Variants in ATP8B1 observed in about 807,000 individuals in gnomAD.
The protein encoded by ATP8B1 is phospholipid-transporting ATPase IC.
A neutral mutation model predicts 149.9 loss-of-function variants in ATP8B1; 80 were observed. The observed-to-expected ratio is 0.53, with a 90% CI of 0.45 to 0.64. The LOEUF (loss-of-function observed/expected upper bound fraction) is 0.64, where lower values mean the gene tolerates loss of function less well. ATP8B1 is among the 30% of genes least tolerant of loss of function. The pLI, the probability that ATP8B1 is intolerant of heterozygous loss-of-function variation, is 0.00. For synonymous variants in ATP8B1, 536 were observed against 562.8 expected, an observed-to-expected ratio of 0.95 and a Z score of 0.67; for missense variants, 1,247 against 1,552.6, an observed-to-expected ratio of 0.80 and a Z score of 3.31.
chr18:57,655,623 A>C (rs1165751138), intron 22 of ATP8B1, among the ~76,000 whole-genome samples: 1 of 152,220 alleles, frequency 6.6e-6, no homozygotes, highest in Admixed American at 6.5e-5. Flanking sequence ...CAGAGCACAC[A>C]GTAGGGCCTC....
At chr18:57,786,910 G>A (rs1005644896) in intron 1 of ATP8B1, among the ~76,000 whole-genome samples, 8 of 152,086 alleles carry the variant, frequency 5.3e-5, no homozygotes, top group Admixed American at 2.0e-4. Flanking sequence ...TCTTTTTTAC[G>A]TCTAGTAAGG....
chr18:57,683,635 G>A (rs889738592), intron 15 of ATP8B1, among the ~76,000 whole-genome samples: 5 of 152,138 alleles, frequency 3.3e-5, no homozygotes, highest in African/African-American at 1.2e-4. Context: ...AAATTATTTG[G>A]TAGAAAAGAT....
intron 1 of ATP8B1, among the ~76,000 whole-genome samples, chr18:57,761,944 TAAA>T (rs71171087): frequency 0.014 from 1,380 of 98,160 alleles, 31 homozygotes; most frequent in African/African-American, 0.049. Flanking sequence ...GCAAGACTGT[TAAA>T]AAAAAAAAAA....
intron 26 of ATP8B1, among the ~76,000 whole-genome samples, chr18:57,650,762 G>T (rs535685327): frequency 6.6e-6 from 1 of 152,046 alleles, no homozygotes; most frequent in Non-Finnish European, 1.5e-5. Context: ...GCTTGAACCC[G>T]GAAGGCGGAA....
chr18:57,757,007 G>A (rs556006567), intron 1 of ATP8B1, among the ~76,000 whole-genome samples: 5 of 152,172 alleles, frequency 3.3e-5, no homozygotes, highest in African/African-American at 9.6e-5. Context: ...CCCTGATCCA[G>A]TCTCTACTAC....
At position 57,704,561 on chromosome 18, in the gene ATP8B1, G is replaced by T; in HGVS notation, c.387C>A (p.Ile129=). 1 of 1,581,446 alleles carries T rather than the reference G, an allele frequency of 6.3e-7. No homozygotes were observed. Among genetic ancestry groups the T allele is most frequent in the Non-Finnish European group, 8.7e-7 (1 of 1,150,642 alleles). ...AANLYFLALL[I]LQAVPQISTL... is the part of the protein sequence containing the mutation. ...AGATAGCAAAGGGCATTACCTGTAA[G>T]ATAAGAAGAGCCAGGAAATATAAAT... Residue 129 remains isoleucine (I), a synonymous_variant, in exon 4 of 28, where the codon ATC becomes ATA. Transcript: ENST00000648908.
chr18:57,794,774 GA>G (rs1270863924), intron 1 of ATP8B1, among the ~76,000 whole-genome samples: 1 of 147,316 alleles, frequency 6.8e-6, no homozygotes, highest in East Asian at 2.0e-4. Flanking sequence ...CTGGGCGACA[GA>G]GCGAAACTCC....
At chr18:57,759,010 T>C (rs2080115939) in intron 1 of ATP8B1, among the ~76,000 whole-genome samples, 1 of 150,916 alleles carries the variant, frequency 6.6e-6, no homozygotes, top group Non-Finnish European at 1.5e-5. Context: ...ACAAAAATTA[T>C]CCGGGCGTGG....
intron 1 of ATP8B1, among the ~76,000 whole-genome samples, chr18:57,797,781 C>T (rs1474454062): frequency 1.4e-5 from 2 of 146,586 alleles, no homozygotes; most frequent in Non-Finnish European, 3.0e-5. Context: ...GGTCTCAGCT[C>T]ACTACAACCT....
In ATP8B1 at chr18:57,749,857, C is replaced by T. The variant is rs1417952875; in HGVS notation, c.-25-18025G>A. 7.2e-5 allele frequency among the ~76,000 whole-genome samples: 11 copies of T among 152,290 alleles called. No individual in the cohort carries two copies. In the South Asian group the frequency reaches 2.1e-3, roughly 29 times the overall value. On this transcript the variant is annotated intron_variant, in intron 1 of 27. Coordinates refer to ENST00000648908, the MANE Select transcript of ATP8B1 (RefSeq NM_001374385.1). ...AACTGGCCTCAACTTGCTATTTTAA[C>T]ACTTTGATCCTAACTTCCGAGAGCT...
At chr18:57,748,419 C>G (rs974910823) in intron 1 of ATP8B1, among the ~76,000 whole-genome samples, 5 of 152,190 alleles carry the variant, frequency 3.3e-5, no homozygotes, top group African/African-American at 1.2e-4. Context: ...AGCACCCTCA[C>G]AGGGAAGATG....
Position 57,685,132 on chromosome 18 carries a change from A to T in ATP8B1, c.1430-17T>A. ...GATGGTCCCCTGAGAAACAAACAGG[A>T]CAAAACAAATTGATTCTACACCTAT... On this transcript the variant is annotated splice_polypyrimidine_tract_variant and intron_variant, in intron 13 of 27. Coordinates refer to ENST00000648908, the MANE Select transcript of ATP8B1 (RefSeq NM_001374385.1). 6.2e-7 allele frequency: 1 copy of T among 1,613,978 alleles called. No homozygotes were observed. Among genetic ancestry groups the T allele is most frequent in the Non-Finnish European group, 8.5e-7 (1 of 1,179,866 alleles).
chr18:57,689,098 C>T (rs985244549), intron 12 of ATP8B1, among the ~76,000 whole-genome samples: 10 of 152,200 alleles, frequency 6.6e-5, no homozygotes, highest in Non-Finnish European at 7.3e-5. Context: ...CTCCTGGGCA[C>T]ATTTAGCCAA....
chr18:57,734,309 C>T (rs1365535496), intron 1 of ATP8B1, among the ~76,000 whole-genome samples: 1 of 152,152 alleles, frequency 6.6e-6, no homozygotes, highest in Non-Finnish European at 1.5e-5. Flanking sequence ...CCTGCCTCAG[C>T]CTCCTGAGTA....
chr18:57,652,836 AG>A, intron 24 of ATP8B1, 107 bp from the exon 25 acceptor site: 3 of 1,422,602 alleles, frequency 2.1e-6, no homozygotes, highest in Non-Finnish European at 2.9e-6. Context: ...GTTAAATTTT[AG>A]GAAGGCAAAA....
At chr18:57,786,448 C>T (rs1235890837) in intron 1 of ATP8B1, among the ~76,000 whole-genome samples, 1 of 152,150 alleles carries the variant, frequency 6.6e-6, no homozygotes, top group East Asian at 1.9e-4. Flanking sequence ...GTCTTAACCC[C>T]AGAGCTTCTG....
In ATP8B1 at chr18:57,798,370, G is replaced by A. The variant is rs937393060; in HGVS notation, c.-26+4628C>T. Among the ~76,000 whole-genome samples the A allele has an allele frequency of 2.0e-4, 30 of 150,754 alleles. No homozygotes were observed. The East Asian group carries it at 2.4e-3, about 12-fold the overall frequency. On this transcript the variant is annotated intron_variant, in intron 1 of 27. Coordinates refer to ENST00000648908, the MANE Select transcript of ATP8B1 (RefSeq NM_001374385.1). ...GCAGGAGAACTGCTTGAGCCTAAGC[G>A]TTCAGGAGAAGCCTGGGCAACATAG...
chr18:57,779,099 G>C (rs1323450816), intron 1 of ATP8B1, among the ~76,000 whole-genome samples: 1 of 152,180 alleles, frequency 6.6e-6, no homozygotes, highest in African/African-American at 2.4e-5. Flanking sequence ...GAGGTGGGCA[G>C]ATTGTTTGAG....
rs781639439 is a variant in ATP8B1, at chr18:57,695,321, C to T, written c.790G>A (p.Glu264Lys). 9.4e-6 allele frequency: 15 copies of T among 1,599,944 alleles called. No individual in the cohort carries two copies. Among genetic ancestry groups the T allele is most frequent in the Non-Finnish European group, 1.2e-5 (14 of 1,167,458 alleles). Residue 264 changes from glutamate (E) to lysine (K), a missense_variant, in exon 10 of 28, where the codon GAA becomes AAA. This residue lies in a region of ATP8B1 where 853 missense variants were observed against 1,035.7 expected (regional missense o/e 0.82). Coordinates refer to ENST00000648908, the MANE Select transcript of ATP8B1 (RefSeq NM_001374385.1). Reference sequence around the variant, plus strand: ...AGTCTGTTATTGGGTTCTTCACATTCAATAAAACCTTTTAAAAATATAAGA... The same window carrying T: ...AGTCTGTTATTGGGTTCTTCACATTTAATAAAACCTTTTAAAAATATAAGA... The part of the protein sequence containing the change: ...DTLATFDGFI[E>K]CEEPNNRLDK...
Sources: gnomAD v4.1 joint callset for allele counts (sites outside exome capture counted in the v4.1 genomes callset) on GRCh38, gnomAD v4.1.1 for gene constraint, gnomAD v4.1.1 regional missense constraint, MANE v1.5 for transcripts, NCBI Gene and HGNC (gene_info 2026-07-23, HGNC 2026-07-21) for gene names.